The following FAM227B variants were observed in gnomAD, a reference collection of about 807,000 sequenced individuals.
The protein encoded by FAM227B is protein FAM227B.
Under a neutral mutation model 73.8 loss-of-function variants are expected in FAM227B, and 88 were observed. The observed-to-expected ratio is 1.19, with a 90% CI of 1.00 to 1.42. The LOEUF is 1.42. Among genes scored for constraint, FAM227B ranks in the 40% most tolerant of loss-of-function variants. FAM227B has a pLI of 0.00. For synonymous variants in FAM227B, 210 were observed against 190.5 expected, an observed-to-expected ratio of 1.10 and a Z score of -0.84; for missense variants, 632 against 590.9, an observed-to-expected ratio of 1.07 and a Z score of -0.72.
At chr15:49,535,789 A>AT (rs1366839431) in intron 10 of FAM227B, among the ~76,000 whole-genome samples, 3 of 151,906 alleles carry the variant, frequency 2.0e-5, no homozygotes, top group African/African-American at 7.2e-5. Context: ...GACACATCAT[A>AT]CCAACACAAT....
chr15:49,354,813 G>T (rs1248506153), intron 13 of FAM227B, among the ~76,000 whole-genome samples: 1 of 152,056 alleles, frequency 6.6e-6, no homozygotes, highest in East Asian at 1.9e-4. Flanking sequence ...AAAGACAGCA[G>T]TAACCTCTGC....
At chr15:49,435,261 T>A (rs2050999686) in intron 11 of FAM227B, among the ~76,000 whole-genome samples, 1 of 151,518 alleles carries the variant, frequency 6.6e-6, no homozygotes, top group South Asian at 2.1e-4. Flanking sequence ...CTTTATGGAG[T>A]TTTTTCCCTA....
At chr15:49,467,195 C>T (rs1266227039) in intron 11 of FAM227B, among the ~76,000 whole-genome samples, 1 of 152,128 alleles carries the variant, frequency 6.6e-6, no homozygotes, top group Non-Finnish European at 1.5e-5. Flanking sequence ...AAGCTGCTGT[C>T]TCTGAATTAG....
intron 11 of FAM227B, among the ~76,000 whole-genome samples, chr15:49,451,244 A>G (rs919764084): frequency 2.6e-5 from 4 of 152,142 alleles, no homozygotes; most frequent in Admixed American, 6.6e-5. Flanking sequence ...ATTTCTACAG[A>G]AAGTGTGACA....
intron 9 of FAM227B, among the ~76,000 whole-genome samples, chr15:49,542,067 T>A (rs1253922757): frequency 4.6e-5 from 7 of 152,168 alleles, no homozygotes; most frequent in Non-Finnish European, 8.8e-5. Context: ...GAAATTAAAT[T>A]TCTTTGGTTT....
chr15:49,329,642 A>G, intron 15 of FAM227B: 1 of 984,540 alleles, frequency 1.0e-6, no homozygotes, highest in Non-Finnish European at 1.2e-6. Context: ...AATGCTTGAG[A>G]AAGCTTGAGT....
At chr15:49,378,955 TTGAGG>T (rs1280624293) in intron 11 of FAM227B, among the ~76,000 whole-genome samples, 2 of 152,180 alleles carry the variant, frequency 1.3e-5, no homozygotes, top group African/African-American at 2.4e-5. Context: ...TTTTATTATG[TTGAGG>T]TATGTTCCTG....
intron 11 of FAM227B, among the ~76,000 whole-genome samples, chr15:49,380,437 T>C (rs893048541): frequency 1.3e-5 from 2 of 152,126 alleles, no homozygotes; most frequent in Non-Finnish European, 2.9e-5. Context: ...TCTGCTTTTC[T>C]CAAGCAGGAG....
chr15:49,527,844 G>T (rs936598790), intron 10 of FAM227B, among the ~76,000 whole-genome samples: 2 of 151,842 alleles, frequency 1.3e-5, no homozygotes, highest in Middle Eastern at 3.4e-3. Flanking sequence ...ACTGATGAAA[G>T]AAATCTCAGA....
At position 49,328,564 on chromosome 15, in the gene FAM227B, T is replaced by C; in HGVS notation, c.*4A>G. The C allele has an allele frequency of 6.2e-7, 1 of 1,605,414 alleles. No homozygotes were observed. The highest frequency in any genetic ancestry group is 8.5e-7 in the Non-Finnish European group (1 of 1,174,326). Reference sequence around the variant, plus strand: ...TCTTGAATAGAGTTCATTTCTGGTTTCTCTTAGTATTCTTCTTCCTCAAAG... The same window carrying C: ...TCTTGAATAGAGTTCATTTCTGGTTCCTCTTAGTATTCTTCTTCCTCAAAG... On this transcript the variant is annotated 3_prime_UTR_variant, in exon 16 of 16. Transcript: ENST00000299338.
intron 11 of FAM227B, 65 bp downstream of exon 11, chr15:49,508,146 T>A: frequency 1.3e-6 from 2 of 1,511,710 alleles, no homozygotes; most frequent in Non-Finnish European, 1.8e-6. Context: ...AAATTCTGCC[T>A]AATAAATAAA....
intron 13 of FAM227B, among the ~76,000 whole-genome samples, chr15:49,359,609 G>A (rs1475612883): frequency 8.2e-6 from 1 of 122,080 alleles, no homozygotes; most frequent in African/African-American, 3.1e-5. Flanking sequence ...GAGAGGATGT[G>A]GAGAAATAGG....
chr15:49,340,579 GC>G (rs1206145003), intron 13 of FAM227B, among the ~76,000 whole-genome samples: 1 of 152,098 alleles, frequency 6.6e-6, no homozygotes, highest in Non-Finnish European at 1.5e-5. Context: ...CATCTTGCCA[GC>G]AAAGTCCTTG....
rs200019846 is a variant in FAM227B, at chr15:49,331,504, T to C, written c.1419+276A>G. Reference sequence around the variant, plus strand: ...ACTTACAATTTTAAACATCAGTGATTATTAGTTTGTAATTCTAACTGCATT... The same window carrying C: ...ACTTACAATTTTAAACATCAGTGATCATTAGTTTGTAATTCTAACTGCATT... On this transcript the variant is annotated intron_variant, in intron 15 of 15. Coordinates refer to ENST00000299338, the MANE Select transcript of FAM227B (RefSeq NM_152647.3). 3.7e-5 allele frequency: 14 copies of C among 377,336 alleles called. No homozygotes were observed. The East Asian group carries it at 6.7e-4, about 18-fold the overall frequency. The allele number at this position is 377,336 out of a possible 1,614,324, so 23.4% of individuals were successfully genotyped here. A position where few individuals can be genotyped will look rare whatever the true frequency, so the allele number is the denominator to read the frequency against.
chr15:49,396,340 G>C, intron 11 of FAM227B: 1 of 341,536 alleles, frequency 2.9e-6, no homozygotes, highest in Non-Finnish European at 5.6e-6. Flanking sequence ...TGGCTCGGAG[G>C]GTCCTACGCC....
intron 11 of FAM227B, among the ~76,000 whole-genome samples, chr15:49,467,097 TA>T (rs1209529012): frequency 5.3e-5 from 8 of 152,094 alleles, no homozygotes; most frequent in African/African-American, 1.9e-4. Flanking sequence ...GAAGAAAGAT[TA>T]CATTATATAT....
intron 11 of FAM227B, among the ~76,000 whole-genome samples, chr15:49,462,093 T>G (rs1476996694): frequency 6.6e-6 from 1 of 152,062 alleles, no homozygotes; most frequent in East Asian, 1.9e-4. Flanking sequence ...TACTCCAGCC[T>G]GGGTGACAGA....
chr15:49,339,503 C>T (rs963292536), intron 13 of FAM227B, among the ~76,000 whole-genome samples: 1 of 152,160 alleles, frequency 6.6e-6, no homozygotes, highest in African/African-American at 2.4e-5. Context: ...GAAGCTTCGT[C>T]CCAGAGGGGC....
chr15:49,512,560 T>C (rs1443804786), intron 10 of FAM227B, among the ~76,000 whole-genome samples: 1 of 152,106 alleles, frequency 6.6e-6, no homozygotes, highest in Non-Finnish European at 1.5e-5. Flanking sequence ...AAGGTGCCTA[T>C]TCAAATATTT....
Sources: gnomAD v4.1 joint callset for allele counts (sites outside exome capture counted in the v4.1 genomes callset) on GRCh38, gnomAD v4.1.1 for gene constraint, MANE v1.5 for transcripts, NCBI Gene and HGNC (gene_info 2026-07-23, HGNC 2026-07-21) for gene names.